XIRP2: variants seen among roughly 807,000 people sequenced by gnomAD.
XIRP2 encodes the protein xin actin-binding repeat-containing protein 2.
In XIRP2, 236 loss-of-function variants were observed where a neutral mutation model predicts 277.0. That is an observed-to-expected ratio of 0.85 (90% CI 0.77 to 0.95). The LOEUF (loss-of-function observed/expected upper bound fraction) is 0.95, where lower values mean the gene tolerates loss of function less well. XIRP2 is among the 40% of genes least tolerant of loss of function. The pLI is 0.00. For synonymous variants in XIRP2, 1,490 were observed against 1,416.5 expected (o/e 1.05, Z -1.17); for missense variants, 4,640 against 4,157.5 (o/e 1.12, Z -3.19).
chr2:167,133,425 A>T (rs557366772), intron 2 of XIRP2, among the ~76,000 whole-genome samples: 1 of 152,154 alleles, frequency 6.6e-6, no homozygotes, highest in East Asian at 1.9e-4. Context: ...AGTCCACTAC[A>T]TTCACATGTA....
At chr2:166,978,078 T>C (rs2105429110) in intron 2 of XIRP2, among the ~76,000 whole-genome samples, 1 of 152,312 alleles carries the variant, frequency 6.6e-6, no homozygotes, top group Non-Finnish European at 1.5e-5. Flanking sequence ...GTAGTCAAAA[T>C]TCATTTCTTT....
chr2:166,904,738 G>A (rs1684472548), intron 2 of XIRP2, among the ~76,000 whole-genome samples: 1 of 151,946 alleles, frequency 6.6e-6, no homozygotes. Flanking sequence ...ATGATCTCAG[G>A]TTTTCCTTTA....
chr2:167,142,572 A>G, intron 3 of XIRP2, among the ~76,000 whole-genome samples: 1 of 151,380 alleles, frequency 6.6e-6, no homozygotes, highest in African/African-American at 2.4e-5. Context: ...ATAAAAAAAT[A>G]AAAAAAAAGA....
intron 2 of XIRP2, among the ~76,000 whole-genome samples, chr2:166,911,620 A>C (rs969076869): frequency 6.6e-6 from 1 of 152,098 alleles, no homozygotes; most frequent in Non-Finnish European, 1.5e-5. Flanking sequence ...TTTAAGGTTA[A>C]TATTGTTATG....
chr2:167,026,911 G>T (rs1036790953), intron 2 of XIRP2, among the ~76,000 whole-genome samples: 3 of 152,010 alleles, frequency 2.0e-5, no homozygotes, highest in Non-Finnish European at 4.4e-5. Context: ...TGGGTAACCC[G>T]ACCTTCTCTC....
intron 2 of XIRP2, among the ~76,000 whole-genome samples, chr2:166,969,488 C>G (rs1343233148): frequency 6.6e-6 from 1 of 151,708 alleles, no homozygotes; most frequent in Non-Finnish European, 1.5e-5. Flanking sequence ...ATTCCAAAAT[C>G]CTGCTGGGTT....
rs1574001743 is a variant in XIRP2, at chr2:167,251,262, T to C, written c.9870T>C (p.Tyr3290=). 6.2e-7 allele frequency: 1 copy of C among 1,613,620 alleles called. No homozygotes were observed. Among genetic ancestry groups the C allele is most frequent in the Non-Finnish European group, 8.5e-7 (1 of 1,179,690 alleles). ...TDHMVPDTES[Y]DAVEIIRKVA... ...ACATGGTGCCCGACACTGAAAGTTA[T>C]GATGCAGTTGAAATCATCCGCAAGG... The change falls in exon 9 of 11, where the codon TAT becomes TAC. Residue 3290 remains tyrosine, a synonymous_variant. Coordinates refer to ENST00000409195, the MANE Select transcript of XIRP2 (RefSeq NM_152381.6).
chr2:167,050,773 A>G (rs1200643744), intron 2 of XIRP2, among the ~76,000 whole-genome samples: 1 of 151,810 alleles, frequency 6.6e-6, no homozygotes, highest in African/African-American at 2.4e-5. Context: ...TGTAAGTGGA[A>G]CAGGACTAAC....
At position 167,247,254 on chromosome 2, in the gene XIRP2, AG is replaced by A; in HGVS notation, c.5864del (p.Gly1955AspfsTer55). The part of the protein sequence containing the change: ...IKKDAKAVMA[G>X]SSGEQKTDIH... ...AAAAAGATGCTAAAGCTGTGATGGC[AG>A]GATCCTCGGGAGAGCAGAAAACAGA... On this transcript the variant is annotated frameshift_variant, in exon 9 of 11. Coordinates refer to ENST00000409195, the MANE Select transcript of XIRP2 (RefSeq NM_152381.6). LOFTEE classifies it high-confidence loss of function. 1.2e-6 allele frequency: 2 copies of A among 1,613,748 alleles called. No homozygotes were observed. Among genetic ancestry groups the A allele is most frequent in the Non-Finnish European group, 1.7e-6 (2 of 1,179,858 alleles).
Position 167,251,129 on chromosome 2 carries a change from A to C in XIRP2, c.9737A>C (p.His3246Pro), listed in dbSNP as rs1695484420. ...PTITIPVNIN[H>P]AASGSFRESV... ...ATCACAATACCAGTAAATATAAATC[A>C]TGCTGCTAGTGGTTCCTTCAGAGAA... is the stretch of plus-strand genomic sequence containing the variant. Residue 3246 changes from histidine to proline, a missense_variant, in exon 9 of 11, where the codon CAT (histidine) becomes CCT (proline). Coordinates refer to ENST00000409195, the MANE Select transcript of XIRP2 (RefSeq NM_152381.6). The C allele has an allele frequency of 3.7e-6, 6 of 1,613,474 alleles. No individual in the cohort carries two copies. The highest frequency in any genetic ancestry group is 5.1e-6 in the Non-Finnish European group (6 of 1,179,718).
chr2:167,218,967 G>A (rs530731209), intron 5 of XIRP2, among the ~76,000 whole-genome samples: 163 of 152,226 alleles, frequency 1.1e-3, no homozygotes, highest in Non-Finnish European at 1.1e-3. Context: ...ACTGTAAACA[G>A]GTGTACTTAG....
chr2:167,238,869 C>G (rs1400633140), intron 5 of XIRP2, among the ~76,000 whole-genome samples: 1 of 152,172 alleles, frequency 6.6e-6, no homozygotes, highest in African/African-American at 2.4e-5. Flanking sequence ...ACTGCTTCAT[C>G]ATATCAATCA....
chr2:166,919,835 C>G (rs574189442), intron 2 of XIRP2, among the ~76,000 whole-genome samples: 119 of 152,254 alleles, frequency 7.8e-4, no homozygotes, highest in Non-Finnish European at 9.0e-4. Context: ...GAAGCAGACA[C>G]AGACACACAT....
chr2:167,066,479 TG>T (rs1689305575), intron 2 of XIRP2, among the ~76,000 whole-genome samples: 1 of 152,002 alleles, frequency 6.6e-6, no homozygotes, highest in Admixed American at 6.6e-5. Flanking sequence ...GATAAATGTT[TG>T]CAAGGATGTA....
At chr2:166,982,628 C>T (rs190255888) in intron 2 of XIRP2, among the ~76,000 whole-genome samples, 24 of 152,072 alleles carry the variant, frequency 1.6e-4, no homozygotes, top group African/African-American at 5.3e-4. Flanking sequence ...CTCTCAGCCC[C>T]TCCTTGAGTT....
chr2:166,937,737 G>C (rs1007070783), intron 2 of XIRP2, among the ~76,000 whole-genome samples: 4 of 152,040 alleles, frequency 2.6e-5, no homozygotes, highest in Admixed American at 1.3e-4. Flanking sequence ...GACATTTTTT[G>C]GTTAGTAAGC....
intron 3 of XIRP2, among the ~76,000 whole-genome samples, chr2:167,151,923 A>G (rs1489303393): frequency 1.3e-5 from 2 of 152,106 alleles, no homozygotes; most frequent in East Asian, 1.9e-4. Flanking sequence ...GAGCCTGGCA[A>G]GATGTTTTCT....
At chr2:167,150,892 G>A (rs1029404245) in intron 3 of XIRP2, among the ~76,000 whole-genome samples, 3 of 151,876 alleles carry the variant, frequency 2.0e-5, no homozygotes, top group Admixed American at 2.0e-4. Flanking sequence ...CCTTTTGTTG[G>A]CTATTTAATT....
At chr2:167,238,975 C>T (rs1328472364) in intron 5 of XIRP2, among the ~76,000 whole-genome samples, 2 of 152,122 alleles carry the variant, frequency 1.3e-5, no homozygotes, top group African/African-American at 4.8e-5. Context: ...TCCAAGTTTG[C>T]AATTCATTCA....
Sources: gnomAD v4.1 joint callset for allele counts (sites outside exome capture counted in the v4.1 genomes callset) on GRCh38, gnomAD v4.1.1 for gene constraint, MANE v1.5 for transcripts, NCBI Gene and HGNC (gene_info 2026-07-23, HGNC 2026-07-21) for gene names.